MACROD2: variants seen among roughly 807,000 people sequenced by gnomAD.
The protein encoded by MACROD2 is mono-ADP ribosylhydrolase 2, also known as ADP-ribose glycohydrolase MACROD2.
Under a neutral mutation model 70.4 loss-of-function variants are expected in MACROD2, and 36 were observed. The observed-to-expected ratio is 0.51, with a 90% CI of 0.39 to 0.68. The LOEUF (loss-of-function observed/expected upper bound fraction) is 0.68, where lower values mean the gene tolerates loss of function less well. MACROD2 is among the 30% of genes least tolerant of loss of function. MACROD2 has a pLI of 0.00. For missense variants in MACROD2, 496 were observed against 538.4 expected (o/e 0.92, Z 0.78); for synonymous variants, 172 against 178.8 (o/e 0.96, Z 0.30).
At chr20:15,090,571 T>C (rs2075785554) in intron 5 of MACROD2, among the ~76,000 whole-genome samples, 1 of 151,908 alleles carries the variant, frequency 6.6e-6, no homozygotes, top group African/African-American at 2.4e-5. Flanking sequence ...AAGAATTAAG[T>C]CCCTCTGGGG....
At chr20:15,519,735 G>GCTTT (rs2047624943) in intron 8 of MACROD2, among the ~76,000 whole-genome samples, 1 of 152,182 alleles carries the variant, frequency 6.6e-6, no homozygotes, top group African/African-American at 2.4e-5. Flanking sequence ...GTTAAGATGG[G>GCTTT]CTGGAAGAAT....
At chr20:14,669,066 C>G (rs2070767338) in intron 4 of MACROD2, among the ~76,000 whole-genome samples, 1 of 152,030 alleles carries the variant, frequency 6.6e-6, no homozygotes, top group Admixed American at 6.6e-5. Flanking sequence ...TTTTCTGCTC[C>G]TAAGTTATTT....
At chr20:14,985,840 G>C (rs1041365477) in intron 5 of MACROD2, among the ~76,000 whole-genome samples, 3 of 151,898 alleles carry the variant, frequency 2.0e-5, no homozygotes, top group Non-Finnish European at 2.9e-5. Flanking sequence ...AGTCTCACTA[G>C]GTTGGCCAGA....
rs974818668 is a variant in MACROD2, at chr20:15,443,145, C to T, written c.571+11710C>T. The stretch of plus-strand genomic sequence containing the variant: ...CATAGAAATCCTTGGAGGCATCAAT[C>T]GCAATTTGTTTCTGCAACACTCTAA... On this transcript the variant is annotated intron_variant, in intron 7 of 17. Transcript: ENST00000684519. 3.9e-5 allele frequency among the ~76,000 whole-genome samples: 6 copies of T among 152,182 alleles called. No individual in the cohort carries two copies. The East Asian group carries it at 9.7e-4, about 25-fold the overall frequency.
intron 6 of MACROD2, among the ~76,000 whole-genome samples, chr20:15,275,914 G>A (rs751331243): frequency 2.0e-5 from 3 of 152,074 alleles, no homozygotes; most frequent in African/African-American, 4.8e-5. Context: ...TTTCAGCATG[G>A]ATATTGATTT....
chr20:14,862,690 AATATATATAAAT>A (rs2073382615), intron 5 of MACROD2, among the ~76,000 whole-genome samples: 4 of 55,826 alleles, frequency 7.2e-5, no homozygotes, highest in African/African-American at 2.5e-4. Context: ...TATATATATA[AATATATATAAAT>A]ATATATATAT....
intron 8 of MACROD2, among the ~76,000 whole-genome samples, chr20:15,582,736 G>A (rs1222175800): frequency 6.6e-6 from 1 of 152,180 alleles, no homozygotes; most frequent in South Asian, 2.1e-4. Flanking sequence ...AAGGGATTGG[G>A]AGAAAAGACG....
chr20:15,657,779 G>A (rs910332024), intron 8 of MACROD2, among the ~76,000 whole-genome samples: 2 of 152,150 alleles, frequency 1.3e-5, no homozygotes, highest in South Asian at 4.1e-4. Flanking sequence ...GATCAGCTGA[G>A]GTCAGGAGTT....
intron 3 of MACROD2, among the ~76,000 whole-genome samples, chr20:14,362,581 A>G (rs2083232454): frequency 6.6e-6 from 1 of 152,196 alleles, no homozygotes; most frequent in South Asian, 2.1e-4. Flanking sequence ...TTTGTATAGT[A>G]TGGTTTAATT....
At position 15,616,228 on chromosome 20, in the gene MACROD2, C is replaced by G. The variant is rs138846616; in HGVS notation, c.645+116381C>G. 2.8e-3 allele frequency among the ~76,000 whole-genome samples: 429 copies of G among 151,736 alleles called. 2 individuals are homozygous for G. The highest frequency in any genetic ancestry group is 0.01 in the African/African-American group (417 of 41,350). On this transcript the variant is annotated intron_variant, in intron 8 of 17. Coordinates refer to ENST00000684519, the MANE Select transcript of MACROD2 (RefSeq NM_001351661.2). ...AAGTGATTCTCGTGCCTCAGCCTCC[C>G]TAGTAGCTGGGATTACAGGTGTATG...
At chr20:14,294,238 A>C (rs1213082861) in intron 3 of MACROD2, among the ~76,000 whole-genome samples, 1 of 151,126 alleles carries the variant, frequency 6.6e-6, no homozygotes, top group African/African-American at 2.4e-5. Flanking sequence ...GTGTTCATGC[A>C]TGTGTGTGTG....
rs1333507921 is a variant in MACROD2 at position 14,438,792 on chromosome 20, T to G, written c.272-54687T>G. On this transcript the variant is annotated intron_variant, in intron 3 of 17. Transcript: ENST00000684519. ...CTTGCTATTCAGTGTCATGAGTTCTTTATAAGTCATGGATATTAACCCGTT... is the reference window on the plus strand; with the variant it reads ...CTTGCTATTCAGTGTCATGAGTTCTGTATAAGTCATGGATATTAACCCGTT... Among the ~76,000 whole-genome samples, 3 of 152,220 alleles carry G rather than the reference T, an allele frequency of 2.0e-5. No individual in the cohort carries two copies. The East Asian group carries it at 5.8e-4, about 29-fold the overall frequency.
chr20:15,945,028 C>A (rs902731957), intron 12 of MACROD2, among the ~76,000 whole-genome samples: 2 of 152,136 alleles, frequency 1.3e-5, no homozygotes, highest in African/African-American at 4.8e-5. Flanking sequence ...AGATTCCAAC[C>A]CTACCCTGAC....
intron 3 of MACROD2, among the ~76,000 whole-genome samples, chr20:14,178,359 T>A (rs1238695778): frequency 1.3e-5 from 2 of 151,872 alleles, no homozygotes; most frequent in Non-Finnish European, 2.9e-5. Flanking sequence ...TAATAATTTT[T>A]AAAAATGAGG....
chr20:15,935,916 G>T (rs184643104), intron 11 of MACROD2, among the ~76,000 whole-genome samples: 2 of 152,084 alleles, frequency 1.3e-5, no homozygotes, highest in Non-Finnish European at 2.9e-5. Flanking sequence ...GGTTTGGGAC[G>T]GACTCTCTGA....
intron 3 of MACROD2, among the ~76,000 whole-genome samples, chr20:14,091,814 C>T (rs2054154167): frequency 6.6e-6 from 1 of 151,906 alleles, no homozygotes; most frequent in South Asian, 2.1e-4. Flanking sequence ...TATGGATGTA[C>T]CAGAGTTTGT....
intron 5 of MACROD2, among the ~76,000 whole-genome samples, chr20:15,085,048 A>G (rs1456734697): frequency 6.6e-6 from 1 of 152,200 alleles, no homozygotes; most frequent in Non-Finnish European, 1.5e-5. Flanking sequence ...GTACTAATAT[A>G]GAATCAAAAT....
intron 15 of MACROD2, among the ~76,000 whole-genome samples, chr20:16,003,386 G>A (rs2066742320): frequency 6.6e-6 from 1 of 151,888 alleles, no homozygotes; most frequent in African/African-American, 2.4e-5. Flanking sequence ...TGTGTTATAT[G>A]TAGGAATTCA....
intron 3 of MACROD2, among the ~76,000 whole-genome samples, chr20:14,457,794 CTTATAT>C (rs1191793365): frequency 1.3e-5 from 2 of 152,024 alleles, no homozygotes; most frequent in African/African-American, 4.8e-5. Flanking sequence ...GGAAGTAGTA[CTTATAT>C]TTATATCATA....
Sources: gnomAD v4.1 joint callset for allele counts (sites outside exome capture counted in the v4.1 genomes callset) on GRCh38, gnomAD v4.1.1 for gene constraint, MANE v1.5 for transcripts, NCBI Gene and HGNC (gene_info 2026-07-23, HGNC 2026-07-21) for gene names.